The following SGMS1 variants were observed in gnomAD, a reference collection of about 807,000 sequenced individuals.
SGMS1 encodes phosphatidylcholine:ceramide cholinephosphotransferase 1.
In SGMS1, 13 loss-of-function variants were observed where a neutral mutation model predicts 46.2. The ratio of observed to expected loss-of-function variants is 0.28; its 90% CI spans 0.18 to 0.45. The LOEUF is 0.45. Ranked by LOEUF, SGMS1 falls within the 20% of genes least tolerant of loss-of-function variation. The probability of loss-of-function intolerance (pLI) is 1.00; values close to 1 mark genes in which losing one functional copy is unlikely to be tolerated. For synonymous variants in SGMS1, 203 were observed against 187.8 expected, an observed-to-expected ratio of 1.08 and a Z score of -0.66; for missense variants, 324 against 519.9, an observed-to-expected ratio of 0.62 and a Z score of 3.66.
chr10:50,623,575 C>T (rs370882299), intron 1 of SGMS1, 132 bp downstream of exon 1: 3 of 985,112 alleles, frequency 3.0e-6, no homozygotes. Flanking sequence ...ACCGCGCGGG[C>T]TGCGCTCACG....
At chr10:50,559,024 C>T (rs1838211674) in intron 2 of SGMS1, among the ~76,000 whole-genome samples, 1 of 152,092 alleles carries the variant, frequency 6.6e-6, no homozygotes, top group Non-Finnish European at 1.5e-5. Flanking sequence ...TGTTGTTCAA[C>T]TTTATATAAG....
chr10:50,379,449 T>G (rs1564895402), intron 6 of SGMS1, among the ~76,000 whole-genome samples: 2 of 152,144 alleles, frequency 1.3e-5, no homozygotes, highest in Admixed American at 1.3e-4. Context: ...TATATATATA[T>G]ATATATATGT....
chr10:50,564,225 T>C (rs769377163), intron 2 of SGMS1, among the ~76,000 whole-genome samples: 1 of 152,176 alleles, frequency 6.6e-6, no homozygotes, highest in Non-Finnish European at 1.5e-5. Context: ...AGGAAGTGAC[T>C]AAAGGTCAGG....
At chr10:50,486,328 C>G (rs1462198417) in intron 3 of SGMS1, among the ~76,000 whole-genome samples, 2 of 152,164 alleles carry the variant, frequency 1.3e-5, no homozygotes, top group African/African-American at 2.4e-5. Flanking sequence ...TCTAATTCAA[C>G]TAAAGAGCTC....
At chr10:50,503,705 T>A (rs1837681206) in intron 3 of SGMS1, among the ~76,000 whole-genome samples, 1 of 152,218 alleles carries the variant, frequency 6.6e-6, no homozygotes, top group South Asian at 2.1e-4. Context: ...TGAGTGAAAG[T>A]TCCCAGCTCG....
At chr10:50,370,172 C>T (rs1848412458) in intron 6 of SGMS1, among the ~76,000 whole-genome samples, 1 of 152,144 alleles carries the variant, frequency 6.6e-6, no homozygotes, top group African/African-American at 2.4e-5. Flanking sequence ...CTGTACACTA[C>T]TGCAGACTGT....
At chr10:50,386,394 G>A (rs1239974611) in intron 6 of SGMS1, among the ~76,000 whole-genome samples, 1 of 152,184 alleles carries the variant, frequency 6.6e-6, no homozygotes, top group African/African-American at 2.4e-5. Context: ...CTTATGGGTT[G>A]AAGTAATTAG....
intron 2 of SGMS1, among the ~76,000 whole-genome samples, chr10:50,563,416 A>G (rs1838259212): frequency 6.6e-6 from 1 of 152,234 alleles, no homozygotes; most frequent in Non-Finnish European, 1.5e-5. Flanking sequence ...AAACACAATG[A>G]TACTAAAAAC....
At chr10:50,416,000 C>A (rs1849164445) in intron 6 of SGMS1, among the ~76,000 whole-genome samples, 1 of 152,150 alleles carries the variant, frequency 6.6e-6, no homozygotes, top group Admixed American at 6.5e-5. Flanking sequence ...AGTTCAGCAA[C>A]ACTAAGGCGG....
At chr10:50,562,367 C>CAG (rs1317883860) in intron 2 of SGMS1, among the ~76,000 whole-genome samples, 1 of 78,152 alleles carries the variant, frequency 1.3e-5, no homozygotes, top group Non-Finnish European at 2.6e-5. Context: ...CGCGCGCGCA[C>CAG]ACACACACAC....
rs1027929798 is a variant in SGMS1, at chr10:50,491,987, T to G, written c.-497-25055A>C. On this transcript the variant is annotated intron_variant, in intron 3 of 10. Coordinates refer to ENST00000361781, the MANE Select transcript of SGMS1 (RefSeq NM_147156.4). ...ATCCATCACGGTCAAGTATACTTCA[T>G]CCCTGGGATGCAAGGTTGGTTCAAC... 9.3e-4 allele frequency among the ~76,000 whole-genome samples: 142 copies of G among 152,320 alleles called. 1 individual carries two copies. The highest frequency in any genetic ancestry group is 3.3e-3 in the African/African-American group (139 of 41,568).
At chr10:50,392,099 T>C (rs2133511424) in intron 6 of SGMS1, among the ~76,000 whole-genome samples, 1 of 152,128 alleles carries the variant, frequency 6.6e-6, no homozygotes, top group South Asian at 2.1e-4. Flanking sequence ...TATTACCTGG[T>C]TGATGAAATG....
intron 3 of SGMS1, among the ~76,000 whole-genome samples, chr10:50,485,896 T>C (rs1011355830): frequency 6.6e-6 from 1 of 151,866 alleles, no homozygotes; most frequent in African/African-American, 2.4e-5. Context: ...CAAGACTCTG[T>C]CTCAAAAACA....
At chr10:50,534,119 C>G (rs117463213) in intron 2 of SGMS1, among the ~76,000 whole-genome samples, 1,825 of 151,384 alleles carry the variant, frequency 0.012, 18 homozygotes, top group Middle Eastern at 0.031. Flanking sequence ...TATGTATTTA[C>G]CTATCTGCAC....
chr10:50,319,831 C>G (rs1847411285), intron 8 of SGMS1, among the ~76,000 whole-genome samples: 1 of 152,142 alleles, frequency 6.6e-6, no homozygotes, highest in African/African-American at 2.4e-5. Context: ...TAAATACATA[C>G]CTTTGCCCCT....
chr10:50,582,298 T>G (rs1838442334), intron 2 of SGMS1, among the ~76,000 whole-genome samples: 1 of 152,182 alleles, frequency 6.6e-6, no homozygotes, highest in Admixed American at 6.5e-5. Flanking sequence ...CATACCAACA[T>G]CTGAGTCTCG....
intron 6 of SGMS1, among the ~76,000 whole-genome samples, chr10:50,388,471 T>C (rs1449280395): frequency 2.3e-3 from 195 of 85,112 alleles, no homozygotes; most frequent in Non-Finnish European, 3.5e-4. Context: ...CTGTCTCTAC[T>C]AAAAAAAAAA....
intron 3 of SGMS1, among the ~76,000 whole-genome samples, chr10:50,481,483 GCAA>G (rs925691816): frequency 2.0e-5 from 3 of 152,112 alleles, no homozygotes; most frequent in African/African-American, 2.4e-5. Context: ...CCAACAGAAA[GCAA>G]CAACAACAAC....
At chr10:50,380,994 C>CTT (rs749662046) in intron 6 of SGMS1, among the ~76,000 whole-genome samples, 2 of 138,702 alleles carry the variant, frequency 1.4e-5, no homozygotes, top group Admixed American at 7.2e-5. Context: ...CCACACCTGG[C>CTT]TTTTTTTTTT....
Sources: gnomAD v4.1 joint callset for allele counts (sites outside exome capture counted in the v4.1 genomes callset) on GRCh38, gnomAD v4.1.1 for gene constraint, MANE v1.5 for transcripts, NCBI Gene and HGNC (gene_info 2026-07-23, HGNC 2026-07-21) for gene names.